The following DIAPH2 variants were observed in gnomAD, a reference collection of about 807,000 sequenced individuals.
DIAPH2 encodes diaphanous related formin 2, also known as protein diaphanous homolog 2.
Under a neutral mutation model 92.7 loss-of-function variants are expected in DIAPH2, and 35 were observed. The observed-to-expected ratio is 0.38, with a 90% CI of 0.29 to 0.50. The LOEUF is 0.50. Ranked by LOEUF, DIAPH2 falls within the 20% of genes least tolerant of loss-of-function variation. The pLI, the probability that DIAPH2 is intolerant of heterozygous loss-of-function variation, is 0.94. For missense variants in DIAPH2, 701 were observed against 819.5 expected (o/e 0.86, Z 1.77); for synonymous variants, 301 against 280.4 (o/e 1.07, Z -0.73).
intron 22 of DIAPH2, among the ~76,000 whole-genome samples, chrX:97,195,432 G>A (rs1444780239): frequency 1.8e-5 from 2 of 110,851 alleles, no homozygotes; most frequent in Middle Eastern, 4.6e-3. Flanking sequence ...AGGCTGAAGC[G>A]GGTAGATCAC....
At chrX:97,146,748 C>T (rs1319393920) in intron 22 of DIAPH2, among the ~76,000 whole-genome samples, 3 of 111,630 alleles carry the variant, frequency 2.7e-5, no homozygotes, top group Non-Finnish European at 3.8e-5. Flanking sequence ...TTTTCTAGAC[C>T]TCTGTAGCTC....
At chrX:97,370,024 T>C (rs963238621) in intron 24 of DIAPH2, among the ~76,000 whole-genome samples, 1 of 111,522 alleles carries the variant, frequency 9.0e-6, no homozygotes, top group African/African-American at 3.3e-5. Context: ...AGTGCTTCTT[T>C]TGATGATCCC....
intron 5 of DIAPH2, among the ~76,000 whole-genome samples, chrX:96,901,532 GTTTT>G (rs369526046): frequency 9.1e-5 from 3 of 33,094 alleles, no homozygotes; most frequent in South Asian, 1.9e-3. Flanking sequence ...TTTTCTTTCT[GTTTT>G]TTTTTTTTTT....
At chrX:97,344,016 C>G (rs1041696086) in intron 23 of DIAPH2, among the ~76,000 whole-genome samples, 3 of 111,421 alleles carry the variant, frequency 2.7e-5, no homozygotes, top group Non-Finnish European at 3.8e-5. Context: ...ATTGCTCTGC[C>G]TTTTTGAAAA....
chrX:96,982,578 G>A (rs2066004605), intron 17 of DIAPH2, among the ~76,000 whole-genome samples: 1 of 111,892 alleles, frequency 8.9e-6, no homozygotes, highest in African/African-American at 3.2e-5. Flanking sequence ...GTGTGATTAG[G>A]TACCTTTTGT....
At chrX:97,099,973 G>A (rs562643964) in intron 20 of DIAPH2, among the ~76,000 whole-genome samples, 178 bp downstream of exon 20, 1 of 111,103 alleles carries the variant, frequency 9.0e-6, no homozygotes, top group African/African-American at 3.3e-5. Context: ...ATTTGTCATG[G>A]CATTGAAAAA....
intron 22 of DIAPH2, among the ~76,000 whole-genome samples, chrX:97,211,727 C>T (rs1038061361): frequency 9.0e-6 from 1 of 111,566 alleles, no homozygotes. Flanking sequence ...CTTCTTTGAT[C>T]TTTCCTGAGT....
chrX:96,692,828 C>T (rs766892299), intron 1 of DIAPH2, among the ~76,000 whole-genome samples: 2 of 112,160 alleles, frequency 1.8e-5, no homozygotes, highest in East Asian at 5.6e-4. Context: ...GACATTCACA[C>T]CCCACCACAA....
intron 26 of DIAPH2, among the ~76,000 whole-genome samples, chrX:97,462,133 CT>C (rs2070464466): frequency 8.9e-6 from 1 of 111,744 alleles, no homozygotes; most frequent in African/African-American, 3.3e-5. Flanking sequence ...CTTTGTACCC[CT>C]GATGTACTCT....
intron 1 of DIAPH2, among the ~76,000 whole-genome samples, chrX:96,709,964 A>G (rs2063908474): frequency 8.9e-6 from 1 of 112,302 alleles, no homozygotes; most frequent in Non-Finnish European, 1.9e-5. Context: ...TATTTTGTGA[A>G]CATGATAAAG....
chrX:96,765,376 T>C (rs1264739615), intron 4 of DIAPH2, among the ~76,000 whole-genome samples: 2 of 109,539 alleles, frequency 1.8e-5, no homozygotes, highest in Non-Finnish European at 3.8e-5. Flanking sequence ...TTTTGTATTT[T>C]TTTGTAGAGA....
intron 4 of DIAPH2, among the ~76,000 whole-genome samples, chrX:96,858,522 G>T (rs751403076): frequency 1.2e-4 from 14 of 112,026 alleles, no homozygotes; most frequent in African/African-American, 4.5e-4. Context: ...AGATCAGTCT[G>T]GTTTGGAGCA....
chrX:97,462,756 G>A (rs2070470353), intron 26 of DIAPH2, among the ~76,000 whole-genome samples: 1 of 110,618 alleles, frequency 9.0e-6, no homozygotes, highest in Non-Finnish European at 1.9e-5. Context: ...TTAGTTCCTG[G>A]TGATAAGATG....
intron 24 of DIAPH2, among the ~76,000 whole-genome samples, chrX:97,351,647 C>CA (rs754715530): frequency 0.014 from 1,497 of 110,386 alleles, 23 homozygotes; most frequent in African/African-American, 0.047. Flanking sequence ...ACTAAAAATA[C>CA]AAAAAATTAG....
chrX:97,426,714 A>C (rs2070069004), intron 25 of DIAPH2, among the ~76,000 whole-genome samples: 1 of 112,048 alleles, frequency 8.9e-6, no homozygotes, highest in Non-Finnish European at 1.9e-5. Flanking sequence ...TATGCCCAGT[A>C]CAGTAACCAC....
chrX:97,505,649 CTTT>C (rs372665495), intron 26 of DIAPH2, among the ~76,000 whole-genome samples: 1 of 94,928 alleles, frequency 1.1e-5, no homozygotes, highest in Non-Finnish European at 2.1e-5. Context: ...TGAGGTAGGG[CTTT>C]TTTTTTTTTT....
chrX:97,337,621 A>G (rs1444536200), intron 23 of DIAPH2, among the ~76,000 whole-genome samples: 1 of 111,461 alleles, frequency 9.0e-6, no homozygotes, highest in Non-Finnish European at 1.9e-5. Flanking sequence ...AGTCTCAGGT[A>G]TTTCTTCATA....
chrX:97,454,793 T>C (rs1243201844), intron 26 of DIAPH2, among the ~76,000 whole-genome samples: 1 of 109,101 alleles, frequency 9.2e-6, no homozygotes, highest in African/African-American at 3.3e-5. Context: ...AGGCGGAGGT[T>C]GCAGTGAGCC....
At chrX:97,043,411 C>A (rs2066460379) in intron 17 of DIAPH2, among the ~76,000 whole-genome samples, 1 of 110,747 alleles carries the variant, frequency 9.0e-6, no homozygotes, top group African/African-American at 3.3e-5. Context: ...TTTTAAGTTT[C>A]ATGGATTTAT....
Sources: gnomAD v4.1 joint callset for allele counts (sites outside exome capture counted in the v4.1 genomes callset) on GRCh38, gnomAD v4.1.1 for gene constraint, MANE v1.5 for transcripts, NCBI Gene and HGNC (gene_info 2026-07-23, HGNC 2026-07-21) for gene names.